The following KIAA1958 variants were observed in gnomAD, a reference collection of about 807,000 sequenced individuals.
KIAA1958 encodes uncharacterized protein KIAA1958.
KIAA1958 carries 14 observed loss-of-function variants against 47.2 expected under a neutral mutation model. The observed-to-expected ratio is 0.30, with a 90% CI of 0.20 to 0.46. The LOEUF is 0.46. Ranked by LOEUF, KIAA1958 falls within the 20% of genes least tolerant of loss-of-function variation. The probability of loss-of-function intolerance (pLI) is 1.00; values close to 1 mark genes in which losing one functional copy is unlikely to be tolerated. For missense variants in KIAA1958, 803 were observed against 909.2 expected (o/e 0.88, Z 1.50); for synonymous variants, 354 against 353.3 (o/e 1.00, Z -0.02).
intron 1 of KIAA1958, among the ~76,000 whole-genome samples, chr9:112,558,182 G>A (rs753438346): frequency 1.3e-4 from 20 of 151,666 alleles, no homozygotes; most frequent in African/African-American, 4.8e-4. Context: ...CCGAGATCGC[G>A]CCACTGCACT....
chr9:112,548,869 T>A (rs959394707), intron 1 of KIAA1958, among the ~76,000 whole-genome samples: 1 of 152,162 alleles, frequency 6.6e-6, no homozygotes, highest in Non-Finnish European at 1.5e-5. Context: ...CCGGTGTCCT[T>A]ATAAGAAGTA....
chr9:112,625,097 G>C (rs1229801872), intron 2 of KIAA1958, among the ~76,000 whole-genome samples: 2 of 152,098 alleles, frequency 1.3e-5, no homozygotes, highest in African/African-American at 2.4e-5. Flanking sequence ...CTTCAGGTGT[G>C]CTAGCTGGAA....
chr9:112,543,069 A>T (rs1322682186), intron 1 of KIAA1958, among the ~76,000 whole-genome samples: 1 of 152,218 alleles, frequency 6.6e-6, no homozygotes, highest in African/African-American at 2.4e-5. Flanking sequence ...CTGAGGCTTT[A>T]GACAGTTTGC....
intron 1 of KIAA1958, among the ~76,000 whole-genome samples, chr9:112,572,490 TGA>T (rs1835557296): frequency 6.6e-6 from 1 of 152,178 alleles, no homozygotes; most frequent in Non-Finnish European, 1.5e-5. Flanking sequence ...TTATTAGGTC[TGA>T]GAGACAGACA....
Position 112,551,417 on chromosome 9 carries a change from G to A in KIAA1958, c.-24-22640G>A, listed in dbSNP as rs1420798294. Among the ~76,000 whole-genome samples, 12 of 152,224 alleles carry A rather than the reference G, an allele frequency of 7.9e-5. 1 individual carries two copies. The East Asian group carries it at 2.3e-3, about 29-fold the overall frequency. On this transcript the variant is annotated intron_variant, in intron 1 of 3. Transcript: ENST00000337530. ...TTGCACTTAGTATAATGTCTTTTAA[G>A]TTTCATCCATGTTGTTAGCCAGTAT...
At chr9:112,525,910 T>G in intron 1 of KIAA1958, among the ~76,000 whole-genome samples, 1 of 146,518 alleles carries the variant, frequency 6.8e-6, no homozygotes, top group Admixed American at 7.0e-5. Flanking sequence ...AAAGCTTCAT[T>G]TATATTCTTT....
intron 2 of KIAA1958, among the ~76,000 whole-genome samples, chr9:112,637,456 AC>A (rs1315041307): frequency 6.6e-6 from 1 of 151,972 alleles, no homozygotes; most frequent in Non-Finnish European, 1.5e-5. Flanking sequence ...ATCTCAGCTC[AC>A]TGCAACCTCC....
intron 1 of KIAA1958, among the ~76,000 whole-genome samples, chr9:112,487,683 C>T (rs1020663326): frequency 3.3e-5 from 5 of 151,980 alleles, no homozygotes; most frequent in Non-Finnish European, 7.4e-5. Context: ...TTGTTTCTAA[C>T]GGAGGAGGGC....
At chr9:112,557,361 TAGAG>T (rs1344815918) in intron 1 of KIAA1958, among the ~76,000 whole-genome samples, 1 of 152,146 alleles carries the variant, frequency 6.6e-6, no homozygotes, top group Admixed American at 6.5e-5. Flanking sequence ...ATTCAGGACT[TAGAG>T]AAGGATCACA....
chr9:112,601,899 T>G (rs1836139538), intron 2 of KIAA1958, among the ~76,000 whole-genome samples: 2 of 152,242 alleles, frequency 1.3e-5, no homozygotes, highest in East Asian at 3.8e-4. Context: ...CATACTGGAC[T>G]AACATACTAT....
intron 1 of KIAA1958, among the ~76,000 whole-genome samples, chr9:112,557,454 T>TA (rs1279307870): frequency 6.6e-6 from 1 of 152,168 alleles, no homozygotes; most frequent in African/African-American, 2.4e-5. Context: ...TCTCAAATCC[T>TA]AAAAAATATT....
chr9:112,546,982 C>T (rs1358315394), intron 1 of KIAA1958, among the ~76,000 whole-genome samples: 1 of 149,222 alleles, frequency 6.7e-6, no homozygotes, highest in Non-Finnish European at 1.5e-5. Context: ...CCGTCTGCTG[C>T]CCAAGCTGGG....
At chr9:112,513,162 G>A (rs1257906490) in intron 1 of KIAA1958, among the ~76,000 whole-genome samples, 1 of 147,522 alleles carries the variant, frequency 6.8e-6, no homozygotes, top group African/African-American at 2.5e-5. Context: ...ACGCCACCAT[G>A]CCCAGCTAAT....
chr9:112,607,962 ATTC>A (rs1262303900), intron 2 of KIAA1958, among the ~76,000 whole-genome samples: 2 of 152,194 alleles, frequency 1.3e-5, no homozygotes, highest in Non-Finnish European at 2.9e-5. Flanking sequence ...GTGTAAAGAT[ATTC>A]TCAAGAACTT....
At chr9:112,626,553 C>G (rs1836615540) in intron 2 of KIAA1958, among the ~76,000 whole-genome samples, 1 of 152,018 alleles carries the variant, frequency 6.6e-6, no homozygotes, top group Non-Finnish European at 1.5e-5. Flanking sequence ...ATATAGATTC[C>G]TAACAGTAAT....
chr9:112,659,951 T>A lies in KIAA1958; in HGVS notation c.2033T>A (p.Leu678His). The stretch of plus-strand genomic sequence containing the variant: ...GAGCAGAGGATGGGGCTGCGCTCTC[T>A]TCGGGGAATTGTCCCAAACTTAGCC... The part of the protein sequence containing the change: ...YEEQRMGLRS[L>H]RGIVPNLAKK... Residue 678 changes from leucine to histidine, a missense_variant, in exon 4 of 4, where the codon CTT becomes CAT. Physicochemically the swap from Leu to His is moderately conservative, Grantham distance 99. This residue lies in a region of KIAA1958 where 761 missense variants were observed against 829.3 expected (regional missense o/e 0.92). Coordinates refer to ENST00000337530, the MANE Select transcript of KIAA1958 (RefSeq NM_133465.4). The A allele has an allele frequency of 6.2e-7, 1 of 1,614,250 alleles. No individual in the cohort carries two copies. Among genetic ancestry groups the A allele is most frequent in the Non-Finnish European group, 8.5e-7 (1 of 1,180,040 alleles).
chr9:112,574,897 C>G lies in KIAA1958; in HGVS notation c.817C>G (p.Pro273Ala), dbSNP rs752696032. The G allele has an allele frequency of 6.2e-7, 1 of 1,614,050 alleles. No individual in the cohort carries two copies. The highest frequency in any genetic ancestry group is 1.1e-5 in the South Asian group (1 of 91,064). The stretch of plus-strand genomic sequence containing the variant: ...AGACCCACACGGTATGTCTGCATCC[C>G]CCTCTGTGATCTCCAGACCAATTGT... ...ELDPHGMSAS[P>A]SVISRPIVQK... is the part of the protein sequence containing the mutation. The change falls in exon 2 of 4, where the codon CCC (proline) becomes GCC (alanine). Residue 273 changes from proline (P) to alanine (A), a missense_variant. By Grantham distance (27) the Pro-to-Ala change is conservative. Transcript: ENST00000337530.
chr9:112,656,341 C>A (rs1837150210), intron 3 of KIAA1958, among the ~76,000 whole-genome samples: 1 of 141,470 alleles, frequency 7.1e-6, no homozygotes, highest in Non-Finnish European at 1.5e-5. Context: ...CCTCTGCACT[C>A]CAGCCTGAGC....
At chr9:112,655,980 G>T (rs1359581423) in intron 3 of KIAA1958, among the ~76,000 whole-genome samples, 2 of 152,150 alleles carry the variant, frequency 1.3e-5, no homozygotes, top group Non-Finnish European at 2.9e-5. Context: ...TGTGCATGGT[G>T]TAAGGGAGTG....
Sources: allele counts gnomAD v4.1 joint callset (sites outside exome capture counted in the v4.1 genomes callset), GRCh38; gene constraint gnomAD v4.1.1; regional missense constraint gnomAD v4.1.1; transcripts MANE v1.5; gene names NCBI Gene and HGNC (gene_info 2026-07-23, HGNC 2026-07-21).